MDK: variants seen among roughly 807,000 people sequenced by gnomAD.
MDK encodes the protein amphiregulin-associated protein.
MDK carries 17 observed loss-of-function variants against 18.9 expected under a neutral mutation model. That is an observed-to-expected ratio of 0.90 (90% CI 0.62 to 1.35). The LOEUF is 1.35. MDK is among the 40% of genes most tolerant of loss of function. MDK has a pLI of 0.00. For missense variants in MDK, 180 were observed against 186.3 expected, an observed-to-expected ratio of 0.97 and a Z score of 0.20; for synonymous variants, 86 against 74.3, an observed-to-expected ratio of 1.16 and a Z score of -0.81.
intron 4 of MDK, 54 bp downstream of exon 4, chr11:46,382,802 C>A (rs764280688): frequency 9.3e-6 from 14 of 1,511,694 alleles, no homozygotes; most frequent in Non-Finnish European, 1.2e-5. Flanking sequence ...CCCCCCCCCC[C>A]CCCGCCTGTG....
Position 46,382,709 on chromosome 11 carries a change from A to G in MDK, c.367A>G (p.Thr123Ala), listed in dbSNP as rs35871643. 6.8e-6 allele frequency: 11 copies of G among 1,607,148 alleles called. No individual in the cohort carries two copies. Among genetic ancestry groups the G allele is most frequent in the Non-Finnish European group, 8.5e-6 (10 of 1,178,900 alleles). Residue 123 changes from threonine to alanine, a missense_variant, in exon 4 of 5, where the codon ACC becomes GCC. By Grantham distance (58) the Thr-to-Ala change is moderately conservative. Coordinates refer to ENST00000395566, the MANE Select transcript of MDK (RefSeq NM_002391.6). The part of the protein sequence containing the change: ...NAQCQETIRV[T>A]KPCTPKTKAK... ...TCAGTGCCAGGAGACCATCCGCGTC[A>G]CCAAGCCCTGCACCCCCAAGACCAA...
In MDK at chr11:46,382,274, C is replaced by G. The variant is rs745914347; in HGVS notation, c.77-20C>G. 3.7e-6 allele frequency: 6 copies of G among 1,606,526 alleles called. 1 individual carries two copies. Among genetic ancestry groups the G allele is most frequent in the Admixed American group, 1.7e-5 (1 of 59,250 alleles). ...TCTCCCCGTGCCCCAGTCCTGAACTCTGTTCCTCGCGCGTTGTAGATAAGG... is the reference window on the plus strand; with the variant it reads ...TCTCCCCGTGCCCCAGTCCTGAACTGTGTTCCTCGCGCGTTGTAGATAAGG... On this transcript the variant is annotated intron_variant, in intron 2 of 4. Transcript: ENST00000395566.
In MDK at chr11:46,382,616, G is replaced by C. The variant is rs760612922; in HGVS notation, c.274G>C (p.Gly92Arg). 7.4e-6 allele frequency: 12 copies of C among 1,612,430 alleles called. No homozygotes were observed. The highest frequency in any genetic ancestry group is 1.0e-5 in the Non-Finnish European group (12 of 1,179,660). ...ADCKYKFENW[G>R]ACDGGTGTKV... ...CTGCAAGTACAAGTTTGAGAACTGG[G>C]GTGCGTGTGATGGGGGCACAGGCAC... Residue 92 changes from glycine to arginine, a missense_variant, in exon 4 of 5, where the codon GGT becomes CGT. Physicochemically the swap from Gly to Arg is moderately radical, Grantham distance 125. Transcript: ENST00000395566.
intron 4 of MDK, 41 bp downstream of exon 4, chr11:46,382,789 TG>T (rs1945254370): frequency 9.0e-5 from 36 of 399,562 alleles, no homozygotes; most frequent in Admixed American, 2.0e-4. Context: ...CGCGGGGGGC[TG>T]CCCCCCCCCC....
chr11:46,381,675 G>A lies in MDK; in HGVS notation c.-85G>A, dbSNP rs1302354242. 6.4e-6 allele frequency: 1 copy of A among 155,260 alleles called. No homozygotes were observed. Among genetic ancestry groups the A allele is most frequent in the Non-Finnish European group, 1.4e-5 (1 of 71,060 alleles). The allele number at this position is 155,260 out of a possible 1,614,324, so 9.6% of individuals were successfully genotyped here. Reference sequence around the variant, plus strand: ...GGGCCCATGTGACCGGCTCAGACCGGTTCTGGAGACAAAAGGGGCCGCGGC... The same window carrying A: ...GGGCCCATGTGACCGGCTCAGACCGATTCTGGAGACAAAAGGGGCCGCGGC... On this transcript the variant is annotated 5_prime_UTR_variant, in exon 1 of 5. Coordinates refer to ENST00000395566, the MANE Select transcript of MDK (RefSeq NM_002391.6).
chr11:46,381,362 G>C (rs2136535519), upstream of MDK: 1 of 153,138 alleles, frequency 6.5e-6, no homozygotes, highest in Non-Finnish European at 1.5e-5. Flanking sequence ...TGGGGGCAGC[G>C]GGCGGCGGCG....
intron 3 of MDK, 56 bp from the exon 4 acceptor site, chr11:46,382,531 G>C: frequency 6.4e-7 from 1 of 1,558,456 alleles, no homozygotes; most frequent in South Asian, 1.2e-5. Flanking sequence ...GCGGACCCTT[G>C]GCGGAGGGCG....
At position 46,383,397 on chromosome 11, in the gene MDK, G is replaced by A. The variant is rs959860864; in HGVS notation, c.407-72G>A. 6 of 1,234,290 alleles carry A rather than the reference G, an allele frequency of 4.9e-6. No homozygotes were observed. The African/African-American group carries it at 9.1e-5, about 19-fold the overall frequency. 76.5% of individuals were successfully genotyped at this position (1,234,290 alleles called of 1,614,324 possible). ...CTCCTTCCCTGATGCCCGGGTGTTT[G>A]TGGAGCCGGCGGTCTGCAATGGGTC... On this transcript the variant is annotated intron_variant, in intron 4 of 4. Coordinates refer to ENST00000395566, the MANE Select transcript of MDK (RefSeq NM_002391.6).
chr11:46,382,921 A>G (rs1016112142), intron 4 of MDK, 173 bp downstream of exon 4: 14 of 732,900 alleles, frequency 1.9e-5, no homozygotes, highest in East Asian at 2.7e-5. Flanking sequence ...GGGCACTACA[A>G]GAGAGGCCGC....
Position 46,382,051 on chromosome 11 carries a change from C to T in MDK, c.-1-6C>T. ...CCAGGGATTCAGACTCGGGCTCTCC[C>T]CTCAGGATGCAGCACCGAGGCTTCC... On this transcript the variant is annotated splice_polypyrimidine_tract_variant and splice_region_variant and intron_variant, in intron 1 of 4. Transcript: ENST00000395566. 1 of 1,604,050 alleles carries T rather than the reference C, an allele frequency of 6.2e-7. No individual in the cohort carries two copies. Among genetic ancestry groups the T allele is most frequent in the Non-Finnish European group, 8.5e-7 (1 of 1,176,160 alleles).
Position 46,383,550 on chromosome 11 carries a change from C to CCT in MDK, c.*58_*59dup, listed in dbSNP as rs1945286686. On this transcript the variant is annotated 3_prime_UTR_variant, in exon 5 of 5. Coordinates refer to ENST00000395566, the MANE Select transcript of MDK (RefSeq NM_002391.6). Reference sequence around the variant, plus strand: ...GTGTCACATGGGGCCTGGCCCACGCCCTCCCTCTCCCAGGCCCGAGATGTG... The same window carrying CCT: ...GTGTCACATGGGGCCTGGCCCACGCCCTCTCCCTCTCCCAGGCCCGAGATGTG... The CCT allele has an allele frequency of 6.5e-7, 1 of 1,529,012 alleles. No individual in the cohort carries two copies. Among genetic ancestry groups the CCT allele is most frequent in the African/African-American group, 1.4e-5 (1 of 73,234 alleles). The allele number at this position is 1,529,012 out of a possible 1,614,324, so 94.7% of individuals were successfully genotyped here.
chr11:46,382,946 A>G, intron 4 of MDK, 198 bp downstream of exon 4: 1 of 648,304 alleles, frequency 1.5e-6, no homozygotes, highest in Non-Finnish European at 2.7e-6. Flanking sequence ...GATGCTGGGG[A>G]CATAAATCCT....
Position 46,383,501 on chromosome 11 carries a change from A to G in MDK, c.*7A>G. 1 of 1,612,678 alleles carries G rather than the reference A, an allele frequency of 6.2e-7. No individual in the cohort carries two copies. The highest frequency in any genetic ancestry group is 8.5e-7 in the Non-Finnish European group (1 of 1,179,256). ...AGGGAAGGGAAAGGACTAGACGCCA[A>G]GCCTGGATGCCAAGGAGCCCCTGGT... On this transcript the variant is annotated 3_prime_UTR_variant, in exon 5 of 5. Coordinates refer to ENST00000395566, the MANE Select transcript of MDK (RefSeq NM_002391.6).
chr11:46,382,572 C>T lies in MDK; in HGVS notation c.245-15C>T, dbSNP rs1945243252. 6.2e-7 allele frequency: 1 copy of T among 1,601,184 alleles called. No individual in the cohort carries two copies. The highest frequency in any genetic ancestry group is 2.3e-5 in the East Asian group (1 of 44,180). On this transcript the variant is annotated splice_polypyrimidine_tract_variant and intron_variant, in intron 3 of 4. Coordinates refer to ENST00000395566, the MANE Select transcript of MDK (RefSeq NM_002391.6). The stretch of plus-strand genomic sequence containing the variant: ...GCGGGCCGCGCAGCGCTGACCTGGG[C>T]CGCTCTCTCGCCAGCCGACTGCAAG...
intron 4 of MDK, chr11:46,383,140 G>C (rs115118803): frequency 8.6e-4 from 354 of 413,850 alleles, no homozygotes; most frequent in African/African-American, 6.7e-3. Context: ...CAGCTCACTC[G>C]TGACTCAGCC....
upstream of MDK, chr11:46,381,200 C>T (rs553705659): frequency 6.6e-6 from 1 of 152,524 alleles, no homozygotes; most frequent in South Asian, 2.1e-4. Context: ...CGCGCCCCCT[C>T]CCCAGCAGCC....
chr11:46,382,161 G>A, intron 2 of MDK, 28 bp downstream of exon 2: 1 of 1,609,814 alleles, frequency 6.2e-7, no homozygotes, highest in Non-Finnish European at 8.5e-7. Context: ...AAGGAGGGCT[G>A]GGGACGGGCA....
rs1279775462 is a variant in MDK at position 46,382,401 on chromosome 11, G to A, written c.184G>A (p.Gly62Arg). ...CGTGGGTTTCCGCGAGGGCACCTGC[G>A]GGGCCCAGACCCAGCGCATCCGGTG... ...CGVGFREGTCGAQTQRIRCRV... is the reference protein window; with the variant it reads ...CGVGFREGTCRAQTQRIRCRV... Residue 62 changes from glycine to arginine, a missense_variant, in exon 3 of 5, where the codon GGG (glycine) becomes AGG (arginine). Gly to Arg is a moderately radical substitution (Grantham distance 125, BLOSUM62 -2). Transcript: ENST00000395566. 6 of 1,557,080 alleles carry A rather than the reference G, an allele frequency of 3.9e-6. No individual in the cohort carries two copies. In the South Asian group the frequency reaches 7.3e-5, roughly 19 times the overall value.
upstream of MDK, chr11:46,380,931 A>G (rs1381038880): frequency 2.6e-5 from 4 of 152,180 alleles, no homozygotes; most frequent in African/African-American, 7.2e-5. Context: ...GCCCAGGGTT[A>G]GAGGGGGTGG....
Sources: gnomAD v4.1 joint callset for allele counts on GRCh38, gnomAD v4.1.1 for gene constraint, MANE v1.5 for transcripts, NCBI Gene and HGNC (gene_info 2026-07-23, HGNC 2026-07-21) for gene names.